Variants in CLDN14 observed in about 807,000 individuals in gnomAD.
The protein encoded by CLDN14 is claudin-14.
A neutral mutation model predicts 2.1 loss-of-function variants in CLDN14; 2 were observed. The ratio of observed to expected loss-of-function variants is 0.96; its 90% CI spans 0.39 to 3.01. CLDN14 has a LOEUF of 3.01. Among genes scored for constraint, CLDN14 ranks in the 30% most tolerant of loss-of-function variants. CLDN14 has a pLI of 0.09. For missense variants in CLDN14, 298 were observed against 328.0 expected, an observed-to-expected ratio of 0.91 and a Z score of 0.71; for synonymous variants, 136 against 154.4, an observed-to-expected ratio of 0.88 and a Z score of 0.88.
rs1168911056 is a variant in CLDN14 at position 36,551,871 on chromosome 21, C to T, written c.-220+24540G>A. Among the ~76,000 whole-genome samples, 5 of 152,200 alleles carry T rather than the reference C, an allele frequency of 3.3e-5. No individual in the cohort carries two copies. Among genetic ancestry groups the T allele is most frequent in the African/African-American group, 1.2e-4 (5 of 41,450 alleles). ...GAGAGGAGAGTGCAGCATGACCCAA[C>T]AGCCCTGCTGCTCCCAGCCGCAGAC... is the stretch of plus-strand genomic sequence containing the variant. On this transcript the variant is annotated intron_variant, in intron 1 of 2. Transcript: ENST00000342108. The surrounding 1 kb of genome is among the most constrained non-coding windows in gnomAD (Gnocchi z 4.8).
chr21:36,569,649 G>A (rs762898557), intron 1 of CLDN14, among the ~76,000 whole-genome samples: 47 of 152,162 alleles, frequency 3.1e-4, no homozygotes, highest in Non-Finnish European at 4.7e-4. Context: ...AAGAGCTGAC[G>A]GAGAACCTAA....
chr21:36,525,956 G>A (rs1601624069), intron 1 of CLDN14, among the ~76,000 whole-genome samples: 1 of 152,164 alleles, frequency 6.6e-6, no homozygotes, highest in East Asian at 1.9e-4. Context: ...GGACCAGAGG[G>A]AAGCGGCACG....
chr21:36,549,271 C>CACAT (rs1269487375), intron 1 of CLDN14, among the ~76,000 whole-genome samples: 1 of 150,330 alleles, frequency 6.7e-6, no homozygotes, highest in African/African-American at 2.5e-5. Flanking sequence ...GTGCATTACA[C>CACAT]ACACACTCTC....
chr21:36,531,456 G>T (rs2087379431), intron 1 of CLDN14, among the ~76,000 whole-genome samples: 1 of 151,688 alleles, frequency 6.6e-6, no homozygotes, highest in South Asian at 2.1e-4. Context: ...GTACAGACAG[G>T]GTTTCACCCT....
At position 36,523,697 on chromosome 21, in the gene CLDN14, G is replaced by A. The variant is rs567773825; in HGVS notation, c.-219-13197C>T. On this transcript the variant is annotated intron_variant, in intron 1 of 2. Coordinates refer to the CLDN14 transcript ENST00000342108. ...CGGGAGGTGGAGGTTGCAGTGAGCC[G>A]AGACTTTTCCACTGCACTCCAGCCT... Among the ~76,000 whole-genome samples the A allele has an allele frequency of 3.4e-5, 5 of 148,374 alleles. No individual in the cohort carries two copies. The South Asian group carries it at 1.1e-3, about 32-fold the overall frequency.
In CLDN14 at chr21:36,494,063, C is replaced by A. The variant is rs147952376; in HGVS notation, c.-82+16300G>T. 3.3e-5 allele frequency among the ~76,000 whole-genome samples: 5 copies of A among 152,232 alleles called. No individual in the cohort carries two copies. The East Asian group carries it at 9.7e-4, about 29-fold the overall frequency. On this transcript the variant is annotated intron_variant, in intron 2 of 2. Transcript: ENST00000342108. The stretch of plus-strand genomic sequence containing the variant: ...AAGAGCAGGACCTCAGGATCTTCTG[C>A]GGGGACATCAACTGGATTCGCAAAG...
chr21:36,558,022 T>C (rs1280563797), intron 1 of CLDN14, among the ~76,000 whole-genome samples: 2 of 152,210 alleles, frequency 1.3e-5, no homozygotes, highest in East Asian at 3.8e-4. Flanking sequence ...CAGCACCATT[T>C]GTTGAAGAGA....
chr21:36,571,494 A>G (rs922899176), intron 1 of CLDN14, among the ~76,000 whole-genome samples: 5 of 152,298 alleles, frequency 3.3e-5, no homozygotes, highest in Non-Finnish European at 7.3e-5. Context: ...GTGACTTACG[A>G]AATCCCAAGC....
At chr21:36,482,650 C>T (rs1309072042), upstream of CLDN14, among the ~76,000 whole-genome samples, 1 of 152,134 alleles carries the variant, frequency 6.6e-6, no homozygotes, top group African/African-American at 2.4e-5. Context: ...TTTTGGGTCC[C>T]CTTTGATTTG....
At chr21:36,492,466 A>AAAAAAG (rs2086977857) in intron 2 of CLDN14, among the ~76,000 whole-genome samples, 5 of 148,218 alleles carry the variant, frequency 3.4e-5, no homozygotes, top group Non-Finnish European at 7.5e-5. Context: ...AAAAAAAAAA[A>AAAAAAG]AATGCAAAAA....
rs778842030 is a variant in CLDN14, at chr21:36,461,525, G to T, written c.171C>A (p.His57Gln). The change falls in exon 2 of 2, where the codon CAC becomes CAA. Residue 57 changes from histidine (H) to glutamine (Q), a missense_variant. Physicochemically the swap from His to Gln is conservative, Grantham distance 24 (BLOSUM62 0). Transcript: ENST00000399135. ...LKGLWMECVWHSTGIYQCQIY... is the reference protein window; with the variant it reads ...LKGLWMECVWQSTGIYQCQIY... Reference sequence around the variant, plus strand: ...TCTGGCACTGGTAGATGCCTGTGCTGTGCCACACACACTCCATCCAGAGCC... The same window carrying T: ...TCTGGCACTGGTAGATGCCTGTGCTTTGCCACACACACTCCATCCAGAGCC... 5 of 1,613,412 alleles carry T rather than the reference G, an allele frequency of 3.1e-6. No individual in the cohort carries two copies. The highest frequency in any genetic ancestry group is 3.3e-5 in the Admixed American group (2 of 60,018).
chr21:36,522,687 C>T (rs1282966563), intron 1 of CLDN14, among the ~76,000 whole-genome samples: 1 of 152,234 alleles, frequency 6.6e-6, no homozygotes, highest in African/African-American at 2.4e-5. Context: ...ATTACAAAAA[C>T]AATTTCGAAT....
intron 1 of CLDN14, among the ~76,000 whole-genome samples, chr21:36,572,421 C>G (rs897669603): frequency 6.6e-6 from 1 of 151,432 alleles, no homozygotes; most frequent in African/African-American, 2.4e-5. Flanking sequence ...GCTGTTTCTC[C>G]AGCCACCAAC....
At chr21:36,491,437 G>A (rs553366109) in intron 2 of CLDN14, among the ~76,000 whole-genome samples, 1 of 152,286 alleles carries the variant, frequency 6.6e-6, no homozygotes, top group Non-Finnish European at 1.5e-5. Flanking sequence ...GCGAGTCAAC[G>A]AAAATAAGAA....
intron 1 of CLDN14, among the ~76,000 whole-genome samples, chr21:36,524,927 C>T (rs777437835): frequency 3.3e-5 from 5 of 152,172 alleles, no homozygotes; most frequent in African/African-American, 1.2e-4. Context: ...AGGTACTTTC[C>T]CCTTCCACCC....
intron 1 of CLDN14, among the ~76,000 whole-genome samples, chr21:36,518,583 A>G (rs2087246177): frequency 6.9e-6 from 1 of 144,738 alleles, no homozygotes; most frequent in African/African-American, 2.5e-5. Context: ...TGGGTGACAG[A>G]GCAAGACTCT....
intron 1 of CLDN14, among the ~76,000 whole-genome samples, chr21:36,559,527 C>T (rs973446944): frequency 6.6e-6 from 1 of 152,152 alleles, no homozygotes; most frequent in African/African-American, 2.4e-5. Flanking sequence ...TTACAAAAAC[C>T]TGTCAACTGT....
intron 2 of CLDN14, among the ~76,000 whole-genome samples, chr21:36,502,164 G>A (rs993869817): frequency 2.0e-5 from 3 of 152,170 alleles, no homozygotes; most frequent in Admixed American, 2.0e-4. Context: ...TCCAACATCC[G>A]CAATAGCTGA....
At chr21:36,469,269 GGGTGTT>G (rs1430894650) in intron 1 of CLDN14, among the ~76,000 whole-genome samples, 2 of 151,944 alleles carry the variant, frequency 1.3e-5, no homozygotes, top group African/African-American at 4.8e-5. Context: ...CTATACTGTG[GGGTGTT>G]GGCTCTAAAA....
Sources: gnomAD v4.1 joint callset for allele counts (sites outside exome capture counted in the v4.1 genomes callset) on GRCh38, gnomAD v4.1.1 for gene constraint, Gnocchi (gnomAD v3.1) non-coding constraint, MANE v1.5 for transcripts, NCBI Gene and HGNC (gene_info 2026-07-23, HGNC 2026-07-21) for gene names.